EPS8: variants seen among roughly 807,000 people sequenced by gnomAD.
The protein encoded by EPS8 is epidermal growth factor receptor kinase substrate 8.
A neutral mutation model predicts 103.8 loss-of-function variants in EPS8; 42 were observed. The observed-to-expected ratio is 0.40, with a 90% confidence interval of 0.32 to 0.52. EPS8 has a LOEUF of 0.52. EPS8 is among the 20% of genes least tolerant of loss of function. The pLI is 0.40. For synonymous variants in EPS8, 344 were observed against 344.6 expected, an observed-to-expected ratio of 1.00 and a Z score of 0.02; for missense variants, 969 against 1,005.1, an observed-to-expected ratio of 0.96 and a Z score of 0.49.
intron 13 of EPS8, 125 bp from the exon 14 acceptor site, chr12:15,651,131 A>G: frequency 1.4e-6 from 1 of 692,926 alleles, no homozygotes. Flanking sequence ...CAAAAACAGC[A>G]CATAGACCTA....
chr12:15,732,606 A>T, intron 1 of EPS8: 2 of 217,068 alleles, frequency 9.2e-6, no homozygotes, highest in Non-Finnish European at 1.6e-5. Flanking sequence ...AGCAACTGGT[A>T]AATGTTCCTT....
intron 1 of EPS8, among the ~76,000 whole-genome samples, chr12:15,722,519 C>A (rs1287666601): frequency 6.6e-6 from 1 of 152,124 alleles, no homozygotes; most frequent in Non-Finnish European, 1.5e-5. Context: ...AAAGGATATG[C>A]CCATCTCTAA....
chr12:15,657,829 T>C (rs1945534453), intron 12 of EPS8: 1 of 389,450 alleles, frequency 2.6e-6, no homozygotes, highest in East Asian at 6.0e-5. Flanking sequence ...AATAAATCTT[T>C]ATTTCTTTTC....
intron 1 of EPS8, among the ~76,000 whole-genome samples, chr12:15,692,228 A>G (rs1338868661): frequency 6.6e-6 from 1 of 152,086 alleles, no homozygotes; most frequent in Non-Finnish European, 1.5e-5. Context: ...TACATTTTTG[A>G]AACTGTATAT....
Position 15,725,524 on chromosome 12 carries a change from A to G in EPS8, c.-21-42552T>C, listed in dbSNP as rs1305304535. On this transcript the variant is annotated intron_variant, in intron 1 of 20. Transcript: ENST00000281172. The surrounding 1 kb of genome is among the most constrained non-coding windows in gnomAD (Gnocchi z 4.5). ...TGTGCACATACATTTTGTAGTTTAC[A>G]CGGCACTTCATTTACATTGTCCTGC... 6.6e-6 allele frequency among the ~76,000 whole-genome samples: 1 copy of G among 152,072 alleles called. No individual in the cohort carries two copies. Among genetic ancestry groups the G allele is most frequent in the Non-Finnish European group, 1.5e-5 (1 of 68,012 alleles).
At chr12:15,681,368 AAT>A (rs1345768754) in intron 2 of EPS8, 66 bp from the exon 3 acceptor site, 1 of 636,274 alleles carries the variant, frequency 1.6e-6, no homozygotes, top group African/African-American at 2.0e-5. Context: ...GTTAAAGTCC[AAT>A]ATAAGTAACA....
chr12:15,653,811 A>T (rs868133512), intron 13 of EPS8, among the ~76,000 whole-genome samples: 1 of 152,186 alleles, frequency 6.6e-6, no homozygotes, highest in Non-Finnish European at 1.5e-5. Context: ...GCGCGCGCGC[A>T]TGTGTATGTG....
In EPS8 at chr12:15,761,637, T is replaced by C. The variant is rs143626541; in HGVS notation, c.-22+27524A>G. Among the ~76,000 whole-genome samples, 1,289 of 152,188 alleles carry C rather than the reference T, an allele frequency of 8.5e-3. 13 individuals are homozygous for C. Among genetic ancestry groups the C allele is most frequent in the Non-Finnish European group, 0.014 (940 of 67,980 alleles). ...GAACCCAGAAACAAATCCACACATC[T>C]ACAGTCGACTCATTTTCAACAAAGG... On this transcript the variant is annotated intron_variant, in intron 1 of 20. Transcript: ENST00000281172. This position sits in a 1 kb window ranked among gnomAD's most constrained non-coding sequence, Gnocchi z 4.5.
chr12:15,675,313 A>C (rs1012249659), intron 3 of EPS8, among the ~76,000 whole-genome samples: 3 of 152,212 alleles, frequency 2.0e-5, no homozygotes, highest in Non-Finnish European at 2.9e-5. Flanking sequence ...TTAAAATAAG[A>C]CTTAAGGCCA....
intron 12 of EPS8, among the ~76,000 whole-genome samples, chr12:15,655,712 A>G (rs898446069): frequency 3.3e-5 from 5 of 152,238 alleles, no homozygotes; most frequent in African/African-American, 1.2e-4. Flanking sequence ...ATAAAATGAA[A>G]GAAAGTATAA....
chr12:15,672,486 A>T (rs1283737350), intron 3 of EPS8: 3 of 398,418 alleles, frequency 7.5e-6, no homozygotes, highest in Non-Finnish European at 1.3e-5. Context: ...TGACCTGAGG[A>T]AGTATGATCC....
chr12:15,648,751 A>G (rs145431086), intron 14 of EPS8, among the ~76,000 whole-genome samples: 150 of 152,342 alleles, frequency 9.8e-4, no homozygotes, highest in African/African-American at 3.6e-3. Context: ...AACTGCGAAT[A>G]CTGAAAGGGA....
intron 3 of EPS8, among the ~76,000 whole-genome samples, chr12:15,675,545 G>A (rs1945888135): frequency 6.6e-6 from 1 of 152,212 alleles, no homozygotes; most frequent in African/African-American, 2.4e-5. Flanking sequence ...ATTGCAGTCA[G>A]CTGAGACTGT....
chr12:15,741,858 G>A (rs536108799), intron 1 of EPS8, among the ~76,000 whole-genome samples: 24 of 151,774 alleles, frequency 1.6e-4, no homozygotes, highest in Non-Finnish European at 3.1e-4. Flanking sequence ...GCTATCCCTC[G>A]CCCCTTCCCC....
At chr12:15,646,983 A>G (rs529116144) in intron 15 of EPS8, 144 bp downstream of exon 15, 4 of 738,818 alleles carry the variant, frequency 5.4e-6, no homozygotes, top group Non-Finnish European at 8.2e-6. Context: ...CCAGTTCTCT[A>G]AAGGAACAAC....
At chr12:15,788,209 C>T (rs1052464982) in intron 1 of EPS8, among the ~76,000 whole-genome samples, 3 of 152,230 alleles carry the variant, frequency 2.0e-5, no homozygotes, top group Non-Finnish European at 4.4e-5. Flanking sequence ...AACATATTAG[C>T]TCTTTTACCT....
At chr12:15,753,022 C>A (rs924314339) in intron 1 of EPS8, among the ~76,000 whole-genome samples, 1 of 151,578 alleles carries the variant, frequency 6.6e-6, no homozygotes, top group East Asian at 1.9e-4. Flanking sequence ...GTGACTCAGG[C>A]AGCAACTAGA....
Position 15,663,941 on chromosome 12 carries a change from A to ATAAT in EPS8, c.736+1814_736+1815insATTA, listed in dbSNP as rs71042266. ...ATCTCAAAAAAAAAAAAAAAAAAAA[A>ATAAT]AAAAATAATATATATATATATATAT... is the stretch of plus-strand genomic sequence containing the variant. On this transcript the variant is annotated intron_variant, in intron 8 of 20. Coordinates refer to ENST00000281172, the MANE Select transcript of EPS8 (RefSeq NM_004447.6). 3.2e-3 allele frequency among the ~76,000 whole-genome samples: 232 copies of ATAAT among 73,226 alleles called. No individual in the cohort carries two copies. The Middle Eastern group carries it at 0.039, about 12-fold the overall frequency. 48.0% of individuals were successfully genotyped at this position (73,226 alleles called of 152,430 possible).
Position 15,784,191 on chromosome 12 carries a change from T to C in EPS8, c.-22+4970A>G, listed in dbSNP as rs1214895478. On this transcript the variant is annotated intron_variant, in intron 1 of 20. Transcript: ENST00000281172. The surrounding 1 kb of genome is among the most constrained non-coding windows in gnomAD (Gnocchi z 4.0). ...ACATCTGTTCTGACAAAGACACTGT[T>C]AGGAAAATAAAAAGACAAACCAAAC... 6.6e-6 allele frequency among the ~76,000 whole-genome samples: 1 copy of C among 152,100 alleles called. No homozygotes were observed. The highest frequency in any genetic ancestry group is 1.5e-5 in the Non-Finnish European group (1 of 67,980).
Sources: allele counts gnomAD v4.1 joint callset (sites outside exome capture counted in the v4.1 genomes callset), GRCh38; gene constraint gnomAD v4.1.1; non-coding constraint Gnocchi (gnomAD v3.1); transcripts MANE v1.5; gene names NCBI Gene and HGNC (gene_info 2026-07-23, HGNC 2026-07-21).